Variants in DSCAM observed in about 807,000 individuals in gnomAD.
DSCAM encodes DS cell adhesion molecule.
In DSCAM, 47 loss-of-function variants were observed where a neutral mutation model predicts 217.7. That is an observed-to-expected ratio of 0.22 (90% CI 0.17 to 0.28). The LOEUF (loss-of-function observed/expected upper bound fraction) is 0.28. DSCAM is among the 10% of genes least tolerant of loss of function. The pLI is 1.00. For synonymous variants in DSCAM, 1,056 were observed against 1,015.3 expected (o/e 1.04, Z -0.76); for missense variants, 2,080 against 2,618.3 (o/e 0.79, Z 4.49).
chr21:40,331,143 G>GAT (rs2074373870), intron 8 of DSCAM, among the ~76,000 whole-genome samples: 1 of 152,212 alleles, frequency 6.6e-6, no homozygotes, highest in South Asian at 2.1e-4. Context: ...TATCTAGAGA[G>GAT]ATAGTAGGAG....
intron 32 of DSCAM, among the ~76,000 whole-genome samples, chr21:40,039,276 AAACTGATTAAAT>A (rs923427127): frequency 4.6e-5 from 7 of 152,108 alleles, no homozygotes; most frequent in Non-Finnish European, 8.8e-5. Context: ...TGTGAAGGAA[AAACTGATTAAAT>A]TATGCAGATG....
At chr21:40,823,769 G>A (rs2091947593) in intron 1 of DSCAM, among the ~76,000 whole-genome samples, 1 of 152,150 alleles carries the variant, frequency 6.6e-6, no homozygotes, top group Admixed American at 6.5e-5. Context: ...TGAGTTGATT[G>A]AAGCTGATTA....
intron 29 of DSCAM, among the ~76,000 whole-genome samples, chr21:40,052,614 G>T (rs561481429): frequency 6.6e-6 from 1 of 152,178 alleles, no homozygotes; most frequent in East Asian, 1.9e-4. Context: ...GTTTGGAGGG[G>T]AAATAAAAGA....
At chr21:40,100,485 T>C (rs1256960452) in intron 20 of DSCAM, among the ~76,000 whole-genome samples, 1 of 152,210 alleles carries the variant, frequency 6.6e-6, no homozygotes, top group Non-Finnish European at 1.5e-5. Flanking sequence ...AATCCAATAG[T>C]GTGTAAACTG....
At chr21:40,669,875 T>G (rs2090251742) in intron 3 of DSCAM, among the ~76,000 whole-genome samples, 1 of 152,098 alleles carries the variant, frequency 6.6e-6, no homozygotes. Context: ...CCGACCATGT[T>G]ATTATAATTT....
At chr21:40,130,699 G>A (rs1303614549) in intron 19 of DSCAM, among the ~76,000 whole-genome samples, 2 of 152,218 alleles carry the variant, frequency 1.3e-5, no homozygotes, top group Admixed American at 1.3e-4. Context: ...CCATGGAACT[G>A]TGAATATGAC....
At chr21:40,619,104 G>A (rs1601793781) in intron 3 of DSCAM, among the ~76,000 whole-genome samples, 1 of 152,100 alleles carries the variant, frequency 6.6e-6, no homozygotes, top group Non-Finnish European at 1.5e-5. Context: ...CACCATTAAA[G>A]TGAGGCATAC....
At chr21:40,154,257 A>C (rs1400383340) in intron 16 of DSCAM, among the ~76,000 whole-genome samples, 4 of 69,762 alleles carry the variant, frequency 5.7e-5, no homozygotes, top group African/African-American at 1.2e-4. Flanking sequence ...TTTTTCTTTT[A>C]TTTTTCTTTC....
chr21:40,118,784 G>A (rs999714410), intron 20 of DSCAM, among the ~76,000 whole-genome samples: 5 of 152,176 alleles, frequency 3.3e-5, no homozygotes, highest in African/African-American at 1.2e-4. Context: ...CACCCAGTCC[G>A]CGCTCCTGCA....
intron 3 of DSCAM, among the ~76,000 whole-genome samples, chr21:40,413,075 AC>A (rs1359887541): frequency 6.6e-6 from 1 of 152,206 alleles, no homozygotes; most frequent in Non-Finnish European, 1.5e-5. Context: ...AGATTTGGGA[AC>A]CTCCACCTAG....
intron 1 of DSCAM, among the ~76,000 whole-genome samples, chr21:40,712,809 CAGAGAGAG>C (rs142528775): frequency 2.2e-4 from 33 of 149,046 alleles, no homozygotes; most frequent in African/African-American, 6.2e-4. Context: ...GAAGTTGAGA[CAGAGAGAG>C]AGAGAGAGAG....
intron 1 of DSCAM, among the ~76,000 whole-genome samples, chr21:40,714,268 G>C (rs1462359957): frequency 6.6e-6 from 1 of 152,124 alleles, no homozygotes; most frequent in Non-Finnish European, 1.5e-5. Flanking sequence ...ACGGAAGTGG[G>C]GCTGGCCCTG....
intron 11 of DSCAM, among the ~76,000 whole-genome samples, chr21:40,236,753 A>T (rs561309338): frequency 1.3e-5 from 2 of 152,306 alleles, no homozygotes; most frequent in African/African-American, 4.8e-5. Flanking sequence ...ACAGCTTGGG[A>T]CCATGACTGA....
chr21:40,165,565 C>T (rs939884375), intron 16 of DSCAM, among the ~76,000 whole-genome samples: 5 of 152,228 alleles, frequency 3.3e-5, no homozygotes, highest in Non-Finnish European at 5.9e-5. Flanking sequence ...AGAAATTTAA[C>T]TGCAATGCAC....
At chr21:40,717,836 G>A (rs2146500881) in intron 1 of DSCAM, among the ~76,000 whole-genome samples, 1 of 152,294 alleles carries the variant, frequency 6.6e-6, no homozygotes. Context: ...TAAAAAGTAG[G>A]AAGTCAATGA....
intron 8 of DSCAM, among the ~76,000 whole-genome samples, chr21:40,335,064 G>A (rs1437073797): frequency 1.3e-5 from 2 of 152,022 alleles, no homozygotes; most frequent in African/African-American, 4.8e-5. Flanking sequence ...AGACACCGTG[G>A]TTGTATCTCT....
At chr21:40,056,935 T>C (rs2089034444) in intron 28 of DSCAM, among the ~76,000 whole-genome samples, 1 of 152,248 alleles carries the variant, frequency 6.6e-6, no homozygotes, top group Non-Finnish European at 1.5e-5. Flanking sequence ...CCTCCACCGA[T>C]CCTTCCTTGT....
intron 3 of DSCAM, among the ~76,000 whole-genome samples, chr21:40,660,545 T>C (rs942519739): frequency 3.3e-5 from 5 of 152,260 alleles, no homozygotes; most frequent in Admixed American, 3.3e-4. Context: ...GAGGTTCTAT[T>C]TGAGCCTTGT....
At chr21:40,369,382 C>CTGTG in intron 3 of DSCAM, 137 bp from the exon 4 acceptor site, 11 of 508,690 alleles carry the variant, frequency 2.2e-5, no homozygotes, top group South Asian at 1.4e-4. Context: ...GTGCGTGCGT[C>CTGTG]TGCGTGTGTG....
Sources: allele counts gnomAD v4.1 joint callset (sites outside exome capture counted in the v4.1 genomes callset), GRCh38; gene constraint gnomAD v4.1.1; transcripts MANE v1.5; gene names NCBI Gene and HGNC (gene_info 2026-07-23, HGNC 2026-07-21).